COL25A1: variants seen among roughly 807,000 people sequenced by gnomAD.
COL25A1 encodes the protein collagen type XXV alpha 1 chain, also known as collagen alpha-1(XXV) chain.
Under a neutral mutation model 128.4 loss-of-function variants are expected in COL25A1, and 103 were observed. The observed-to-expected ratio is 0.80, with a 90% CI of 0.68 to 0.94. The LOEUF (loss-of-function observed/expected upper bound fraction) is 0.94. Among genes scored for constraint, COL25A1 ranks in the 40% least tolerant of loss-of-function variants. COL25A1 has a pLI of 0.00. For synonymous variants in COL25A1, 279 were observed against 277.2 expected (o/e 1.01, Z -0.06); for missense variants, 745 against 840.0 (o/e 0.89, Z 1.40).
At chr4:109,104,401 A>ACT (rs112054758) in intron 3 of COL25A1, among the ~76,000 whole-genome samples, 39,848 of 149,978 alleles carry the variant, frequency 0.27, 7,241 homozygotes, top group African/African-American at 0.51. Flanking sequence ...AAAGGAAATC[A>ACT]CTCTCTCTCT....
intron 3 of COL25A1, among the ~76,000 whole-genome samples, chr4:109,138,684 GTTTTTGTTTTTGT>G (rs367750472): frequency 4.0e-5 from 6 of 151,184 alleles, no homozygotes; most frequent in African/African-American, 1.5e-4. Flanking sequence ...GTTGTTTTTT[GTTTTTGTTTTTGT>G]TTTTTGTTTT....
At chr4:109,290,675 CA>C (rs1175354562) in intron 3 of COL25A1, among the ~76,000 whole-genome samples, 1 of 151,968 alleles carries the variant, frequency 6.6e-6, no homozygotes, top group Non-Finnish European at 1.5e-5. Flanking sequence ...TGGCATGTAT[CA>C]GGGGCGTCCA....
At chr4:109,205,977 A>G (rs1314701539) in intron 3 of COL25A1, among the ~76,000 whole-genome samples, 1 of 152,120 alleles carries the variant, frequency 6.6e-6, no homozygotes, top group East Asian at 1.9e-4. Flanking sequence ...GTTCTGTTTC[A>G]TACTCCTGGG....
chr4:108,914,070 C>T (rs1215621476), intron 13 of COL25A1, among the ~76,000 whole-genome samples: 14 of 152,090 alleles, frequency 9.2e-5, no homozygotes, highest in Admixed American at 9.2e-4. Context: ...AAATAGATAA[C>T]ATTTTATATT....
intron 3 of COL25A1, among the ~76,000 whole-genome samples, chr4:109,269,588 G>A (rs1462437853): frequency 4.7e-5 from 7 of 150,116 alleles, no homozygotes; most frequent in Admixed American, 6.7e-5. Context: ...ATCCTCTCCA[G>A]CACCTGTTGT....
chr4:108,988,592 T>C (rs1187424826), intron 6 of COL25A1, among the ~76,000 whole-genome samples: 2 of 152,208 alleles, frequency 1.3e-5, no homozygotes, highest in Admixed American at 1.3e-4. Context: ...AACACAGGCA[T>C]ACATTTTTGG....
chr4:109,271,378 T>A (rs1320339147), intron 3 of COL25A1, among the ~76,000 whole-genome samples: 1 of 152,238 alleles, frequency 6.6e-6, no homozygotes, highest in Non-Finnish European at 1.5e-5. Context: ...TCCTTTGGCC[T>A]TCTTTTCTCT....
At chr4:108,896,479 T>C (rs1742163094) in intron 16 of COL25A1, among the ~76,000 whole-genome samples, 188 bp downstream of exon 16, 1 of 152,194 alleles carries the variant, frequency 6.6e-6, no homozygotes, top group Admixed American at 6.5e-5. Context: ...AATTTGTGGA[T>C]AGGAGCTTGT....
intron 6 of COL25A1, 57 bp from the exon 7 acceptor site, chr4:108,974,616 T>G: frequency 7.4e-7 from 1 of 1,346,216 alleles, no homozygotes; most frequent in Non-Finnish European, 1.0e-6. Context: ...GTAAACTGAA[T>G]AGATCAGCCA....
chr4:108,840,186 G>C (rs576449909), intron 31 of COL25A1, among the ~76,000 whole-genome samples: 3 of 145,132 alleles, frequency 2.1e-5, no homozygotes, highest in Admixed American at 7.3e-5. Context: ...AGGTTGCAGC[G>C]AGCCAAGACT....
chr4:109,118,240 G>A (rs954572779), intron 3 of COL25A1, among the ~76,000 whole-genome samples: 1 of 151,828 alleles, frequency 6.6e-6, no homozygotes, highest in African/African-American at 2.4e-5. Context: ...TGATCAAAGG[G>A]TACAATGTTT....
intron 3 of COL25A1, among the ~76,000 whole-genome samples, chr4:109,253,574 G>A (rs781255398): frequency 7.9e-5 from 12 of 152,032 alleles, no homozygotes; most frequent in African/African-American, 2.4e-4. Flanking sequence ...CCAGAAAAAC[G>A]TTTAACCAAA....
chr4:109,227,234 A>G (rs1401745983), intron 3 of COL25A1, among the ~76,000 whole-genome samples: 3 of 150,262 alleles, frequency 2.0e-5, no homozygotes, highest in Non-Finnish European at 2.9e-5. Flanking sequence ...GTGATAACGC[A>G]GTTTAATGGA....
In COL25A1 at chr4:108,811,259, AAGG is replaced by A. The variant is rs1291456203; in HGVS notation, c.*2665_*2667del. ...TTAAGACCTAGCAATTCCACTGAACAAGGAGGAGTATTTCCATCCCTTTGTTTT... is the reference window on the plus strand; with the variant it reads ...TTAAGACCTAGCAATTCCACTGAACAAGGAGTATTTCCATCCCTTTGTTTT... On this transcript the variant is annotated 3_prime_UTR_variant, in exon 38 of 38. Transcript: ENST00000399132. 1 of 152,076 alleles carries A rather than the reference AAGG, an allele frequency of 6.6e-6. No homozygotes were observed. Among genetic ancestry groups the A allele is most frequent in the Non-Finnish European group, 1.5e-5 (1 of 67,940 alleles). 9.4% of individuals were successfully genotyped at this position (152,076 alleles called of 1,614,324 possible).
At chr4:109,048,315 T>G in intron 4 of COL25A1, 140 bp from the exon 5 acceptor site, 1 of 747,988 alleles carries the variant, frequency 1.3e-6, no homozygotes. Flanking sequence ...TCACTGATTC[T>G]TAATCATTTT....
At chr4:109,233,302 C>T (rs530286938) in intron 3 of COL25A1, among the ~76,000 whole-genome samples, 18 of 152,020 alleles carry the variant, frequency 1.2e-4, no homozygotes, top group Non-Finnish European at 1.9e-4. Flanking sequence ...CTGCTAATTC[C>T]ATGTTCTCTT....
intron 5 of COL25A1, among the ~76,000 whole-genome samples, chr4:109,015,176 C>G (rs7682292): frequency 0.18 from 26,795 of 152,132 alleles, 3,430 homozygotes; most frequent in East Asian, 0.46. Context: ...AGACTTTGTC[C>G]CAGACTAATC....
intron 3 of COL25A1, among the ~76,000 whole-genome samples, chr4:109,141,526 T>C (rs765443329): frequency 2.6e-5 from 4 of 152,238 alleles, no homozygotes; most frequent in Non-Finnish European, 4.4e-5. Context: ...CTCCTCTTTG[T>C]ACCTCTGGTA....
chr4:109,064,559 A>G (rs899227119), intron 3 of COL25A1, among the ~76,000 whole-genome samples: 8 of 152,200 alleles, frequency 5.3e-5, no homozygotes, highest in African/African-American at 1.9e-4. Flanking sequence ...ACTCAAATAC[A>G]GTGATTTAAT....
Sources: gnomAD v4.1 joint callset for allele counts (sites outside exome capture counted in the v4.1 genomes callset) on GRCh38, gnomAD v4.1.1 for gene constraint, MANE v1.5 for transcripts, NCBI Gene and HGNC (gene_info 2026-07-23, HGNC 2026-07-21) for gene names.